The following SLC39A8 variants were observed in gnomAD, a reference collection of about 807,000 sequenced individuals.
The protein encoded by SLC39A8 is solute carrier family 39 member 8, also known as metal cation symporter ZIP8.
A neutral mutation model predicts 40.4 loss-of-function variants in SLC39A8; 15 were observed. The observed-to-expected ratio is 0.37, with a 90% CI of 0.25 to 0.57. The LOEUF is 0.57. SLC39A8 is among the 20% of genes least tolerant of loss of function. The pLI is 0.75. For missense variants in SLC39A8, 472 were observed against 558.8 expected (o/e 0.84, Z 1.57); for synonymous variants, 223 against 221.6 (o/e 1.01, Z -0.06).
chr4:102,266,962 A>C (rs1349582265), intron 8 of SLC39A8, among the ~76,000 whole-genome samples: 1 of 152,226 alleles, frequency 6.6e-6, no homozygotes, highest in Non-Finnish European at 1.5e-5. Context: ...AGACACAGAC[A>C]TTGAACAGAT....
At chr4:102,270,932 G>T (rs987007353) in intron 6 of SLC39A8, among the ~76,000 whole-genome samples, 5 of 152,096 alleles carry the variant, frequency 3.3e-5, no homozygotes, top group African/African-American at 9.7e-5. Flanking sequence ...AAACAAATGG[G>T]CTTATTGCAG....
chr4:102,307,325 A>G (rs2149035035), intron 4 of SLC39A8, 111 bp downstream of exon 4: 2 of 1,294,106 alleles, frequency 1.5e-6, no homozygotes, highest in Non-Finnish European at 2.2e-6. Context: ...CCAAGACACT[A>G]TAAACTAGAC....
chr4:102,328,921 G>A (rs562276618), intron 2 of SLC39A8, among the ~76,000 whole-genome samples: 6 of 151,758 alleles, frequency 4.0e-5, no homozygotes, highest in South Asian at 2.1e-4. Context: ...CCAGCTACTC[G>A]GGAGGCTGAG....
chr4:102,300,419 T>C (rs140880509), intron 6 of SLC39A8, among the ~76,000 whole-genome samples: 25 of 152,204 alleles, frequency 1.6e-4, no homozygotes, highest in African/African-American at 6.0e-4. Context: ...GAGTATTCTG[T>C]AATGAGCCAG....
intron 6 of SLC39A8, among the ~76,000 whole-genome samples, chr4:102,278,487 C>T (rs1172946288): frequency 1.3e-5 from 2 of 152,122 alleles, no homozygotes; most frequent in Non-Finnish European, 2.9e-5. Context: ...TGTCAGGAAA[C>T]AACAGATGCT....
In SLC39A8 at chr4:102,262,277, C is replaced by T. The variant is rs1456264555; in HGVS notation, c.*767G>A. 24 of 985,728 alleles carry T rather than the reference C, an allele frequency of 2.4e-5. No individual in the cohort carries two copies. The Admixed American group carries it at 1.3e-3, about 53-fold the overall frequency. 61.1% of individuals were successfully genotyped at this position (985,728 alleles called of 1,614,324 possible). A position where few individuals can be genotyped will look rare whatever the true frequency, so the allele number is the denominator to read the frequency against. ...TGGTGCACTGAAACCGAGGTGTTAC[C>T]AGCTTTACATACTGTTCTGCCATTT... On this transcript the variant is annotated 3_prime_UTR_variant, in exon 9 of 9. Coordinates refer to ENST00000356736, the MANE Select transcript of SLC39A8 (RefSeq NM_001135146.2).
intron 2 of SLC39A8, among the ~76,000 whole-genome samples, chr4:102,319,977 T>C (rs1305702061): frequency 1.3e-5 from 2 of 151,344 alleles, no homozygotes; most frequent in Non-Finnish European, 2.9e-5. Context: ...AACTGGGTCA[T>C]TTGATTTCAG....
Position 102,262,132 on chromosome 4 carries a change from C to T in SLC39A8, c.*912G>A. The T allele has an allele frequency of 1.0e-6, 1 of 985,726 alleles. No homozygotes were observed. The highest frequency in any genetic ancestry group is 1.2e-6 in the Non-Finnish European group (1 of 829,724). 61.1% of individuals were successfully genotyped at this position (985,726 alleles called of 1,614,324 possible). ...GTACAGCAGTCCAGCTGTTGTTTTG[C>T]ATTTATTAAAATATTCTCTGCTAAA... On this transcript the variant is annotated 3_prime_UTR_variant, in exon 9 of 9. Coordinates refer to ENST00000356736, the MANE Select transcript of SLC39A8 (RefSeq NM_001135146.2).
At chr4:102,271,431 C>G (rs190663010) in intron 6 of SLC39A8, among the ~76,000 whole-genome samples, 9 of 152,220 alleles carry the variant, frequency 5.9e-5, no homozygotes, top group Admixed American at 3.9e-4. Context: ...CTTAATGGAC[C>G]CACATATAAA....
intron 2 of SLC39A8, among the ~76,000 whole-genome samples, chr4:102,316,970 C>T (rs535330325): frequency 1.4e-4 from 22 of 152,290 alleles, no homozygotes; most frequent in Middle Eastern, 3.4e-3. Flanking sequence ...CTCTCTGTGA[C>T]CCAAGGAGAG....
intron 2 of SLC39A8, among the ~76,000 whole-genome samples, chr4:102,338,422 G>C (rs913758747): frequency 2.0e-5 from 3 of 152,054 alleles, no homozygotes; most frequent in African/African-American, 7.2e-5. Context: ...TCCTGACCTT[G>C]TGATCTGCCC....
rs186232353 is a variant in SLC39A8 at position 102,271,050 on chromosome 4, G to A, written c.841-2971C>T. On this transcript the variant is annotated intron_variant, in intron 6 of 8. Coordinates refer to ENST00000356736, the MANE Select transcript of SLC39A8 (RefSeq NM_001135146.2). ...ATGAGGAGGAGGAGGAGGAAGACAA[G>A]TATAAGGAGGATGAGAAGGAGGATG... Among the ~76,000 whole-genome samples the A allele has an allele frequency of 2.2e-4, 34 of 151,966 alleles. No individual in the cohort carries two copies. The East Asian group carries it at 4.7e-3, about 21-fold the overall frequency.
At chr4:102,295,758 A>G (rs528552801) in intron 6 of SLC39A8, among the ~76,000 whole-genome samples, 1 of 152,240 alleles carries the variant, frequency 6.6e-6, no homozygotes, top group East Asian at 1.9e-4. Context: ...AGCCTCCACA[A>G]GAATGGAATA....
At chr4:102,339,092 G>A (rs1455948058) in intron 2 of SLC39A8, among the ~76,000 whole-genome samples, 2 of 152,020 alleles carry the variant, frequency 1.3e-5, no homozygotes, top group Admixed American at 6.6e-5. Flanking sequence ...AATGAATTAC[G>A]AATGTCCCTC....
At chr4:102,327,652 A>G (rs1223371816) in intron 2 of SLC39A8, among the ~76,000 whole-genome samples, 1 of 152,210 alleles carries the variant, frequency 6.6e-6, no homozygotes, top group African/African-American at 2.4e-5. Flanking sequence ...CTTCAATAAG[A>G]TCATAAAAAT....
intron 2 of SLC39A8, among the ~76,000 whole-genome samples, chr4:102,320,168 C>CATATATATATATATATATATATGT (rs1451834994): frequency 9.8e-6 from 1 of 101,936 alleles, no homozygotes; most frequent in Admixed American, 1.2e-4. Flanking sequence ...TATATATATA[C>CATATATATATATATATATATATGT]ATATATATAT....
At chr4:102,331,914 G>T (rs540821333) in intron 2 of SLC39A8, among the ~76,000 whole-genome samples, 8 of 152,272 alleles carry the variant, frequency 5.3e-5, no homozygotes, top group African/African-American at 1.9e-4. Context: ...AAGCAATGGG[G>T]AAAGAATTTC....
chr4:102,273,656 C>T (rs1732474640), intron 6 of SLC39A8, among the ~76,000 whole-genome samples: 1 of 152,198 alleles, frequency 6.6e-6, no homozygotes, highest in Non-Finnish European at 1.5e-5. Context: ...GACTGGGAGA[C>T]ACCTCCCAGC....
At chr4:102,332,264 C>G (rs376510577) in intron 2 of SLC39A8, among the ~76,000 whole-genome samples, 15 of 152,244 alleles carry the variant, frequency 9.9e-5, no homozygotes, top group African/African-American at 3.6e-4. Flanking sequence ...GTAATCTATC[C>G]ATCTGACAAA....
Sources: gnomAD v4.1 joint callset for allele counts (sites outside exome capture counted in the v4.1 genomes callset) on GRCh38, gnomAD v4.1.1 for gene constraint, MANE v1.5 for transcripts, NCBI Gene and HGNC (gene_info 2026-07-23, HGNC 2026-07-21) for gene names.